The following TRIM36 variants were observed in gnomAD, a reference collection of about 807,000 sequenced individuals.
TRIM36 encodes the protein tripartite motif containing 36.
Under a neutral mutation model 72.4 loss-of-function variants are expected in TRIM36, and 42 were observed. The ratio of observed to expected loss-of-function variants is 0.58; its 90% CI spans 0.45 to 0.75. TRIM36 has a LOEUF of 0.75. TRIM36 is among the 30% of genes least tolerant of loss of function. The pLI is 0.00. For missense variants in TRIM36, 913 were observed against 857.1 expected (o/e 1.07, Z -0.81); for synonymous variants, 315 against 282.8 (o/e 1.11, Z -1.14).
chr5:115,130,893 A>T lies in TRIM36; in HGVS notation c.1499-4T>A. The stretch of plus-strand genomic sequence containing the variant: ...TCATCAAAGAGGAAGCTGAAAACTA[A>T]ATGGAGCTTAAAATTAATATCAGGC... On this transcript the variant is annotated splice_region_variant and splice_polypyrimidine_tract_variant and intron_variant, in intron 8 of 9. Transcript: ENST00000513154. The T allele has an allele frequency of 6.2e-7, 1 of 1,600,332 alleles. No homozygotes were observed. Among genetic ancestry groups the T allele is most frequent in the Non-Finnish European group, 8.5e-7 (1 of 1,172,296 alleles).
At chr5:115,127,601 G>C (rs1752425783) in intron 9 of TRIM36, among the ~76,000 whole-genome samples, 1 of 152,176 alleles carries the variant, frequency 6.6e-6, no homozygotes, top group African/African-American at 2.4e-5. Context: ...CTATAGCTTA[G>C]TGACGTGGTA....
rs747968384 is a variant in TRIM36, at chr5:115,124,866, T to C, written c.*1637A>G. 5 of 152,558 alleles carry C rather than the reference T, an allele frequency of 3.3e-5. No individual in the cohort carries two copies. Among genetic ancestry groups the C allele is most frequent in the Non-Finnish European group, 5.9e-5 (4 of 67,948 alleles). The allele number at this position is 152,558 out of a possible 1,614,324, so 9.5% of individuals were successfully genotyped here. On this transcript the variant is annotated 3_prime_UTR_variant, in exon 10 of 10. Coordinates refer to ENST00000513154, the MANE Select transcript of TRIM36 (RefSeq NM_001300759.2). The stretch of plus-strand genomic sequence containing the variant: ...ATCCTATTCCTGTTAAAGCTTCACA[T>C]TTAAAAATGTCTACATCATATGTGC...
chr5:115,147,382 T>C lies in TRIM36; in HGVS notation c.275A>G (p.Asn92Ser), dbSNP rs1753649223. Residue 92 changes from asparagine to serine, a missense_variant, in exon 3 of 10, where the codon AAT becomes AGT. Transcript: ENST00000513154. Reference protein sequence around the residue: ...DRINRPGWKRNSLTPRTTVFP... With the variant: ...DRINRPGWKRSSLTPRTTVFP... ...AACAGTTGTCCTCGGGGTCAATGAA[T>C]TGCGCTTCCAGCCTGTGTAATTAGT... 4.3e-6 allele frequency: 7 copies of C among 1,612,000 alleles called. No homozygotes were observed. The highest frequency in any genetic ancestry group is 5.9e-6 in the Non-Finnish European group (7 of 1,178,032).
At chr5:115,136,707 T>G (rs1752982742) in intron 7 of TRIM36, among the ~76,000 whole-genome samples, 1 of 152,224 alleles carries the variant, frequency 6.6e-6, no homozygotes, top group South Asian at 2.1e-4. Context: ...CACCAAAATT[T>G]CATATATTTA....
upstream of TRIM36, chr5:115,171,337 A>C: frequency 7.0e-7 from 1 of 1,420,570 alleles, no homozygotes; most frequent in Non-Finnish European, 9.6e-7. Flanking sequence ...CCAGGTAATA[A>C]TGCCTGGGCT....
chr5:115,143,870 T>G (rs1412106070), intron 4 of TRIM36, among the ~76,000 whole-genome samples: 5 of 150,174 alleles, frequency 3.3e-5, no homozygotes, highest in South Asian at 2.1e-4. Context: ...GTAATTCAGG[T>G]TTTTTTTTGT....
intron 8 of TRIM36, among the ~76,000 whole-genome samples, chr5:115,131,971 G>A (rs1387427857): frequency 6.6e-6 from 1 of 152,058 alleles, no homozygotes; most frequent in African/African-American, 2.4e-5. Context: ...AAACAATACT[G>A]TAAATGTACT....
At chr5:115,157,525 T>C (rs560137396) in intron 2 of TRIM36, among the ~76,000 whole-genome samples, 2 of 152,038 alleles carry the variant, frequency 1.3e-5, no homozygotes, top group East Asian at 3.9e-4. Context: ...GATCACGCCA[T>C]TGCACTCCAG....
rs1017150389 is a variant in TRIM36 at position 115,133,147 on chromosome 5, G to A, written c.1498+713C>T. 3.2e-3 allele frequency among the ~76,000 whole-genome samples: 484 copies of A among 152,242 alleles called. 6 individuals carry two copies. The highest frequency in any genetic ancestry group is 6.6e-4 in the Non-Finnish European group (45 of 68,022). On this transcript the variant is annotated intron_variant, in intron 8 of 9. Transcript: ENST00000513154. ...GCATCTCTGAGGCAGTGACTGAAAG[G>A]GGAAAACGTTTTCCTGCTAACCAGG...
chr5:115,163,932 T>A (rs1754624897), intron 1 of TRIM36, among the ~76,000 whole-genome samples, 180 bp from the exon 2 acceptor site: 1 of 152,106 alleles, frequency 6.6e-6, no homozygotes, highest in Non-Finnish European at 1.5e-5. Flanking sequence ...TCAACACCCA[T>A]AACCCAGAAC....
In TRIM36 at chr5:115,134,114, C is replaced by A. The variant is rs761893965; in HGVS notation, c.1244G>T (p.Ser415Ile). The change falls in exon 8 of 10, where the codon AGC becomes ATC. Residue 415 changes from serine (S) to isoleucine (I), a missense_variant. Ser to Ile is a moderately radical substitution (Grantham distance 142). Coordinates refer to ENST00000513154, the MANE Select transcript of TRIM36 (RefSeq NM_001300759.2). ...TATCAAGGCATTGTTATAAACTTTGCTCTGTTCCTCATTGATCTCTGGCAC... is the reference window on the plus strand; with the variant it reads ...TATCAAGGCATTGTTATAAACTTTGATCTGTTCCTCATTGATCTCTGGCAC... ...IDVPEINEEQ[S>I]KVYNNALINW... 6.2e-7 allele frequency: 1 copy of A among 1,609,508 alleles called. No homozygotes were observed. Among genetic ancestry groups the A allele is most frequent in the Non-Finnish European group, 8.5e-7 (1 of 1,177,904 alleles).
At position 115,126,785 on chromosome 5, in the gene TRIM36, T is replaced by C. The variant is rs571496861; in HGVS notation, c.1869A>G (p.Leu623=). The C allele has an allele frequency of 3.1e-6, 5 of 1,614,142 alleles. No homozygotes were observed. Among genetic ancestry groups the C allele is most frequent in the East Asian group, 2.2e-5 (1 of 44,872 alleles). ...ACFDSSQPFT[L]VTIGMQKFFI... ...AAAATTTCTGCATGCCTATAGTAAC[T>C]AAGGTAAATGGTTGTGAAGAATCAA... Residue 623 remains leucine (L), a synonymous_variant, in exon 10 of 10, where the codon TTA becomes TTG. Coordinates refer to ENST00000513154, the MANE Select transcript of TRIM36 (RefSeq NM_001300759.2).
At chr5:115,138,257 G>T (rs1046190302) in intron 5 of TRIM36, among the ~76,000 whole-genome samples, 1 of 151,954 alleles carries the variant, frequency 6.6e-6, no homozygotes, top group Non-Finnish European at 1.5e-5. Context: ...ATGCCACCAC[G>T]CCCAGCTTTT....
chr5:115,137,357 G>A lies in TRIM36; in HGVS notation c.1085+6C>T. 5 of 1,599,124 alleles carry A rather than the reference G, an allele frequency of 3.1e-6. No homozygotes were observed. The highest frequency in any genetic ancestry group is 4.3e-6 in the Non-Finnish European group (5 of 1,175,112). Reference sequence around the variant, plus strand: ...AGGTTCTAAAGTTAGAAGTAAAAGAGAATACCTGAGGTGGAGCTGCTTTGC... The same window carrying A: ...AGGTTCTAAAGTTAGAAGTAAAAGAAAATACCTGAGGTGGAGCTGCTTTGC... On this transcript the variant is annotated splice_donor_region_variant and intron_variant, in intron 6 of 9. Coordinates refer to ENST00000513154, the MANE Select transcript of TRIM36 (RefSeq NM_001300759.2).
At chr5:115,160,554 T>C (rs980723782) in intron 2 of TRIM36, among the ~76,000 whole-genome samples, 3 of 152,118 alleles carry the variant, frequency 2.0e-5, no homozygotes, top group African/African-American at 4.8e-5. Flanking sequence ...GTGGCAAAAC[T>C]AGACTGGGTA....
chr5:115,134,051 T>C lies in TRIM36; in HGVS notation c.1307A>G (p.Tyr436Cys). The change falls in exon 8 of 10, where the codon TAT (tyrosine) becomes TGT (cysteine). Residue 436 changes from tyrosine (Y) to cysteine (C), a missense_variant. Coordinates refer to ENST00000513154, the MANE Select transcript of TRIM36 (RefSeq NM_001300759.2). ...ATTGATTTTCCGATATTCAAGAACA[T>C]AGCTATCAGCTTTATCCTTTTCTGG... Reference protein sequence around the residue: ...HHPEKDKADSYVLEYRKINRD... With the variant: ...HHPEKDKADSCVLEYRKINRD... 1.2e-6 allele frequency: 2 copies of C among 1,613,882 alleles called. No individual in the cohort carries two copies. The highest frequency in any genetic ancestry group is 1.7e-6 in the Non-Finnish European group (2 of 1,179,928).
intron 2 of TRIM36, among the ~76,000 whole-genome samples, chr5:115,157,226 T>C (rs1298375734): frequency 6.6e-6 from 1 of 151,094 alleles, no homozygotes; most frequent in Non-Finnish European, 1.5e-5. Context: ...GAATGTAAAC[T>C]AGTACAGCCA....
At chr5:115,144,517 C>A in intron 4 of TRIM36, 81 bp downstream of exon 4, 1 of 1,549,482 alleles carries the variant, frequency 6.5e-7, no homozygotes. Context: ...ATATAACACA[C>A]CATGATTTTA....
chr5:115,139,995 A>G (rs1401196178), intron 5 of TRIM36, among the ~76,000 whole-genome samples: 1 of 152,218 alleles, frequency 6.6e-6, no homozygotes, highest in Non-Finnish European at 1.5e-5. Flanking sequence ...ATTTGAAGCA[A>G]CCTACTAAGG....
Sources: allele counts gnomAD v4.1 joint callset (sites outside exome capture counted in the v4.1 genomes callset), GRCh38; gene constraint gnomAD v4.1.1; transcripts MANE v1.5; gene names NCBI Gene and HGNC (gene_info 2026-07-23, HGNC 2026-07-21).